SSR4: variants seen among roughly 807,000 people sequenced by gnomAD.
The protein encoded by SSR4 is translocon-associated protein subunit delta.
For synonymous variants in SSR4, 84 were observed against 65.6 expected (o/e 1.28, Z -1.35); for missense variants, 125 against 148.8 (o/e 0.84, Z 0.83).
chrX:153,797,195 C>T (rs1209283489), intron 2 of SSR4: 2 of 393,203 alleles, frequency 5.1e-6, no homozygotes, highest in Non-Finnish European at 8.9e-6. Flanking sequence ...GATCATCCCG[C>T]CCCTGCTCAC....
chrX:153,798,226 G>C, intron 5 of SSR4, 90 bp downstream of exon 5: 3 of 1,172,843 alleles, frequency 2.6e-6, no homozygotes, highest in Non-Finnish European at 3.5e-6. Flanking sequence ...GCTGGGCCGT[G>C]ATTGGCCAGC....
chrX:153,797,398 G>T, intron 2 of SSR4, 60 bp from the exon 3 acceptor site: 1 of 1,049,287 alleles, frequency 9.5e-7, no homozygotes, highest in Non-Finnish European at 1.3e-6. Context: ...AGCGCACAGG[G>T]CTCCTCTGCC....
chrX:153,798,156 C>T lies in SSR4; in HGVS notation c.417+20C>T. Reference sequence around the variant, plus strand: ...CATCGGGTGAGTGGCCTGGTCCCTCCTCCTTTTTGGGGTTGTTGGGCTGAG... The same window carrying T: ...CATCGGGTGAGTGGCCTGGTCCCTCTTCCTTTTTGGGGTTGTTGGGCTGAG... On this transcript the variant is annotated intron_variant, in intron 5 of 5. Coordinates refer to ENST00000370086, the MANE Select transcript of SSR4 (RefSeq NM_006280.3). 8.3e-7 allele frequency: 1 copy of T among 1,207,586 alleles called. No homozygotes were observed. Among genetic ancestry groups the T allele is most frequent in the Non-Finnish European group, 1.1e-6 (1 of 891,479 alleles).
At chrX:153,796,821 C>T in intron 2 of SSR4, 1 of 337,142 alleles carries the variant, frequency 3.0e-6, no homozygotes, top group East Asian at 4.9e-5. Flanking sequence ...GGCCAGGAGT[C>T]AGCCCACCCC....
chrX:153,798,177 C>T, intron 5 of SSR4, 41 bp downstream of exon 5: 1 of 1,190,069 alleles, frequency 8.4e-7, no homozygotes, highest in Non-Finnish European at 1.1e-6. Context: ...GGTTGTTGGG[C>T]TGAGTGAAGG....
chrX:153,798,420 A>G lies in SSR4; in HGVS notation c.509A>G (p.His170Arg), dbSNP rs1557073377. The stretch of plus-strand genomic sequence containing the variant: ...TACTTGGCCTTCAGTGCGAAGAGCC[A>G]CATCCAGGCCTGAGGGCGGCACCCC... ...IYYLAFSAKS[H>R]IQA The change falls in exon 6 of 6, where the codon CAC becomes CGC. Residue 170 changes from histidine (H) to arginine (R), a missense_variant. Physicochemically the swap from His to Arg is conservative, Grantham distance 29. Transcript: ENST00000370086. The G allele has an allele frequency of 1.7e-6, 2 of 1,188,144 alleles. No individual in the cohort carries two copies. The highest frequency in any genetic ancestry group is 2.3e-6 in the Non-Finnish European group (2 of 883,910).
At chrX:153,794,921 G>T in intron 1 of SSR4, 167 bp downstream of exon 1, 3 of 571,617 alleles carry the variant, frequency 5.2e-6, no homozygotes, top group South Asian at 3.1e-5. Flanking sequence ...AGCACCTCGC[G>T]CACGTTTACC....
At chrX:153,794,279 C>A, upstream of SSR4, 1 of 1,201,710 alleles carries the variant, frequency 8.3e-7, no homozygotes. Flanking sequence ...CTGGCCCGAG[C>A]ACCGCCTTCG....
chrX:153,797,527 T>C lies in SSR4; in HGVS notation c.256T>C (p.Tyr86His). 8.3e-7 allele frequency: 1 copy of C among 1,209,968 alleles called. No individual in the cohort carries two copies. Among genetic ancestry groups the C allele is most frequent in the Non-Finnish European group, 1.1e-6 (1 of 893,781 alleles). Residue 86 changes from tyrosine (Y) to histidine (H), a missense_variant, in exon 3 of 6, where the codon TAT becomes CAT. Coordinates refer to ENST00000370086, the MANE Select transcript of SSR4 (RefSeq NM_006280.3). The stretch of plus-strand genomic sequence containing the variant: ...CACTCGAGGCCAGGATGTGGGGCGT[T>C]ATCAGGTGAGGGGCCAATGGTTCCC... Reference protein sequence around the residue: ...PVTRGQDVGRYQVSWSLDHKS... With the variant: ...PVTRGQDVGRHQVSWSLDHKS...
At position 153,797,825 on chromosome X, in the gene SSR4, C is replaced by G; in HGVS notation, c.351+11C>G. On this transcript the variant is annotated intron_variant, in intron 4 of 5. Coordinates refer to ENST00000370086, the MANE Select transcript of SSR4 (RefSeq NM_006280.3). Reference sequence around the variant, plus strand: ...AGCCTCCTCAGGAAGGTGAGGACTCCTGTAGCCCACTGTGCTCCCCTGTCC... The same window carrying G: ...AGCCTCCTCAGGAAGGTGAGGACTCGTGTAGCCCACTGTGCTCCCCTGTCC... 1.7e-6 allele frequency: 2 copies of G among 1,159,136 alleles called. No homozygotes were observed. Among genetic ancestry groups the G allele is most frequent in the Non-Finnish European group, 2.3e-6 (2 of 856,316 alleles).
intron 2 of SSR4, 123 bp from the exon 3 acceptor site, chrX:153,797,335 G>C (rs921718036): frequency 1.2e-5 from 7 of 566,746 alleles, no homozygotes; most frequent in Non-Finnish European, 2.1e-5. Context: ...TCCTGCCAGG[G>C]ACACTGCAGC....
rs782500246 is a variant in SSR4, at chrX:153,794,681, A to AGAGGCGATG, written c.-5_4dup. On this transcript the variant is annotated 5_prime_UTR_variant, in exon 1 of 6. The change creates a new upstream start codon in the 5' untranslated region. Transcript: ENST00000370086. ...CGTTTTCTTTTCCTCTAGGCAGAGAAGAGGCGATGGCGGCGATGGCATCTC... is the reference window on the plus strand; with the variant it reads ...CGTTTTCTTTTCCTCTAGGCAGAGAAGAGGCGATGGAGGCGATGGCGGCGATGGCATCTC... 77 of 1,211,175 alleles carry AGAGGCGATG rather than the reference A, an allele frequency of 6.4e-5. No homozygotes were observed. Among genetic ancestry groups the AGAGGCGATG allele is most frequent in the Non-Finnish European group, 8.6e-5 (77 of 895,300 alleles).
At chrX:153,794,943 T>C in intron 1 of SSR4, 189 bp downstream of exon 1, 2 of 501,819 alleles carry the variant, frequency 4.0e-6, no homozygotes, top group Non-Finnish European at 6.5e-6. Flanking sequence ...GCAGCCAGGC[T>C]TTTCCTTGTC....
In SSR4 at chrX:153,797,466, T is replaced by C. The variant is rs782499127; in HGVS notation, c.195T>C (p.Ala65=). 3 of 1,210,970 alleles carry C rather than the reference T, an allele frequency of 2.5e-6. No individual in the cohort carries two copies. The highest frequency in any genetic ancestry group is 3.4e-6 in the Non-Finnish European group (3 of 894,822). Residue 65 remains alanine (A), a synonymous_variant, in exon 3 of 6, where the codon GCT becomes GCC. Transcript: ENST00000370086. ...LTCKNRVQNM[A]LYADVGGKQF... ...TTTGTTCCCTCACCCAGAACATGGC[T>C]CTCTATGCTGACGTCGGTGGAAAAC...
At chrX:153,794,534 A>T, upstream of SSR4, 3 of 1,166,731 alleles carry the variant, frequency 2.6e-6, no homozygotes, top group Non-Finnish European at 3.4e-6. Context: ...TGGCTCAGGG[A>T]GGGGCCACGT....
At chrX:153,794,542 C>T (rs1290777738), upstream of SSR4, 2 of 1,169,646 alleles carry the variant, frequency 1.7e-6, no homozygotes, top group Non-Finnish European at 2.3e-6. Flanking sequence ...GGAGGGGCCA[C>T]GTCAGTGCTG....
intron 2 of SSR4, chrX:153,796,776 C>A: frequency 2.6e-6 from 1 of 386,789 alleles, no homozygotes. Flanking sequence ...TCACCACCCG[C>A]TGTTTCCTGA....
rs1557073150 is a variant in SSR4, at chrX:153,798,083, A to G, written c.364A>G (p.Asn122Asp). The G allele has an allele frequency of 1.7e-6, 2 of 1,210,108 alleles. No homozygotes were observed. The highest frequency in any genetic ancestry group is 1.8e-5 in the South Asian group (1 of 56,857). The change falls in exon 5 of 6, where the codon AAC becomes GAC. Residue 122 changes from asparagine to aspartate, a missense_variant. By Grantham distance (23) the Asn-to-Asp change is conservative. Transcript: ENST00000370086. Reference protein sequence around the residue: ...YSLLRKAQRNNEDISIIPPLF... With the variant: ...YSLLRKAQRNDEDISIIPPLF... ...ACCTCCCTTGCAGGCTCAGAGGAAT[A>G]ACGAGGACATTTCCATCATCCCGCC...
chrX:153,794,507 G>A, upstream of SSR4: 3 of 1,159,085 alleles, frequency 2.6e-6, no homozygotes, highest in South Asian at 1.9e-5. Context: ...GGGGGGGACC[G>A]CGACCAGCTG....
Sources: gnomAD v4.1 joint callset for allele counts on GRCh38, gnomAD v4.1.1 for gene constraint, MANE v1.5 for transcripts, NCBI Gene and HGNC (gene_info 2026-07-23, HGNC 2026-07-21) for gene names.